Variants in ETV6 observed in about 807,000 individuals in gnomAD.
ETV6 encodes transcription factor ETV6.
A neutral mutation model predicts 51.1 loss-of-function variants in ETV6; 16 were observed. The ratio of observed to expected loss-of-function variants is 0.31; its 90% CI spans 0.21 to 0.48. The LOEUF (loss-of-function observed/expected upper bound fraction) is 0.48. Ranked by LOEUF, ETV6 falls within the 20% of genes least tolerant of loss-of-function variation. The pLI is 0.99. For synonymous variants in ETV6, 240 were observed against 224.1 expected, an observed-to-expected ratio of 1.07 and a Z score of -0.64; for missense variants, 458 against 594.8, an observed-to-expected ratio of 0.77 and a Z score of 2.39.
At chr12:11,705,172 G>A (rs1451691761) in intron 1 of ETV6, among the ~76,000 whole-genome samples, 3 of 152,164 alleles carry the variant, frequency 2.0e-5, no homozygotes, top group East Asian at 1.9e-4. Context: ...GTTGCATTAC[G>A]TAATAGTGTG....
At chr12:11,756,342 AAC>A (rs1945007750) in intron 2 of ETV6, among the ~76,000 whole-genome samples, 1 of 152,182 alleles carries the variant, frequency 6.6e-6, no homozygotes, top group South Asian at 2.1e-4. Flanking sequence ...CGGGAGAGCA[AAC>A]ACAAGTATGT....
chr12:11,859,460 C>G (rs767121855), intron 4 of ETV6, among the ~76,000 whole-genome samples: 2 of 152,054 alleles, frequency 1.3e-5, no homozygotes, highest in Non-Finnish European at 1.5e-5. Context: ...TTCTTAATAA[C>G]AAAATAATAG....
intron 1 of ETV6, among the ~76,000 whole-genome samples, chr12:11,742,502 ACACTC>A (rs1865828167): frequency 6.6e-6 from 1 of 152,314 alleles, no homozygotes; most frequent in East Asian, 1.9e-4. Context: ...CAGGTGTGTA[ACACTC>A]CTAATCAGTA....
intron 5 of ETV6, among the ~76,000 whole-genome samples, chr12:11,878,055 T>G (rs1947019307): frequency 6.6e-6 from 1 of 152,198 alleles, no homozygotes; most frequent in Non-Finnish European, 1.5e-5. Flanking sequence ...CTCCGTTTTC[T>G]TATTTCCTTG....
At chr12:11,792,389 A>G (rs993178743) in intron 2 of ETV6, among the ~76,000 whole-genome samples, 9 of 152,200 alleles carry the variant, frequency 5.9e-5, no homozygotes, top group African/African-American at 1.9e-4. Context: ...GACGGATTAC[A>G]TTTAAAAATT....
intron 1 of ETV6, among the ~76,000 whole-genome samples, chr12:11,667,272 C>T (rs914930694): frequency 2.0e-5 from 3 of 152,144 alleles, no homozygotes; most frequent in Non-Finnish European, 1.5e-5. Flanking sequence ...TTCAAGTTTC[C>T]TCCATGAATG....
intron 2 of ETV6, among the ~76,000 whole-genome samples, chr12:11,785,513 C>T (rs1190222108): frequency 1.3e-5 from 2 of 152,102 alleles, no homozygotes; most frequent in African/African-American, 4.8e-5. Flanking sequence ...TTGCTGTGTC[C>T]CTGATGCCTA....
chr12:11,822,969 C>T (rs574759528), intron 2 of ETV6, among the ~76,000 whole-genome samples: 1 of 152,262 alleles, frequency 6.6e-6, no homozygotes, highest in African/African-American at 2.4e-5. Flanking sequence ...TAAAAATTAT[C>T]AGTACATGAC....
intron 1 of ETV6, among the ~76,000 whole-genome samples, chr12:11,686,042 T>A (rs950046188): frequency 1.3e-5 from 2 of 152,224 alleles, no homozygotes; most frequent in African/African-American, 4.8e-5. Flanking sequence ...AATTCCATTG[T>A]GTTATAAGAC....
chr12:11,804,554 C>T (rs1945801013), intron 2 of ETV6, among the ~76,000 whole-genome samples: 1 of 152,224 alleles, frequency 6.6e-6, no homozygotes, highest in Non-Finnish European at 1.5e-5. Context: ...GAAGCTGTTT[C>T]TCCAGATACT....
At chr12:11,660,038 T>C (rs1565476260) in intron 1 of ETV6, among the ~76,000 whole-genome samples, 1 of 152,202 alleles carries the variant, frequency 6.6e-6, no homozygotes. Context: ...TATTGTGTAT[T>C]TCAAAATAAC....
At chr12:11,883,268 GTCT>G (rs1192965393) in intron 5 of ETV6, among the ~76,000 whole-genome samples, 5 of 51,370 alleles carry the variant, frequency 9.7e-5, no homozygotes, top group South Asian at 1.1e-3. Context: ...TGTACATCAT[GTCT>G]TCTTCTTTTT....
At chr12:11,749,086 AATTTGAGAGCAGCGTGTTTT>A (rs1177483721) in intron 1 of ETV6, among the ~76,000 whole-genome samples, 1 of 152,092 alleles carries the variant, frequency 6.6e-6, no homozygotes, top group Non-Finnish European at 1.5e-5. Context: ...TGTATCTGCA[AATTTGAGAGCAGCGTGTTTT>A]ATTTTTTACA....
At chr12:11,874,269 G>A (rs1248501240) in intron 5 of ETV6, among the ~76,000 whole-genome samples, 3 of 151,792 alleles carry the variant, frequency 2.0e-5, no homozygotes, top group Admixed American at 6.6e-5. Context: ...CCCAGCTACC[G>A]AGGAGGCTGA....
intron 4 of ETV6, among the ~76,000 whole-genome samples, chr12:11,857,027 C>T (rs1361685481): frequency 6.6e-6 from 1 of 152,106 alleles, no homozygotes; most frequent in Non-Finnish European, 1.5e-5. Context: ...AGAACAAGGC[C>T]CAACTCAGCT....
rs535311826 is a variant in ETV6 at position 11,892,683 on chromosome 12, G to A, written c.*1637G>A. Reference sequence around the variant, plus strand: ...GGGGGAGAAACTCACAGCTCCTCCGGGATACATATGTGCCCTCAGCAGCAG... The same window carrying A: ...GGGGGAGAAACTCACAGCTCCTCCGAGATACATATGTGCCCTCAGCAGCAG... On this transcript the variant is annotated 3_prime_UTR_variant, in exon 8 of 8. Transcript: ENST00000396373. 4.3e-6 allele frequency: 1 copy of A among 232,942 alleles called. No individual in the cohort carries two copies. The highest frequency in any genetic ancestry group is 5.6e-5 in the Admixed American group (1 of 17,768). 14.4% of individuals were successfully genotyped at this position (232,942 alleles called of 1,614,324 possible).
At chr12:11,799,053 G>T (rs545625717) in intron 2 of ETV6, among the ~76,000 whole-genome samples, 20 of 152,296 alleles carry the variant, frequency 1.3e-4, no homozygotes, top group African/African-American at 4.8e-4. Flanking sequence ...GAGATCTTGG[G>T]AACTTCCTGT....
At chr12:11,863,438 C>T (rs563214564) in intron 4 of ETV6, among the ~76,000 whole-genome samples, 4 of 152,138 alleles carry the variant, frequency 2.6e-5, no homozygotes, top group East Asian at 1.9e-4. Flanking sequence ...ACCAGAATGA[C>T]GGTTCCCTGC....
At chr12:11,798,678 A>G (rs1346861301) in intron 2 of ETV6, among the ~76,000 whole-genome samples, 1 of 152,228 alleles carries the variant, frequency 6.6e-6, no homozygotes, top group African/African-American at 2.4e-5. Context: ...TATAAAAATG[A>G]AAATTTTACA....
Sources: allele counts gnomAD v4.1 joint callset (sites outside exome capture counted in the v4.1 genomes callset), GRCh38; gene constraint gnomAD v4.1.1; transcripts MANE v1.5; gene names NCBI Gene and HGNC (gene_info 2026-07-23, HGNC 2026-07-21).